RNPC3: variants seen among roughly 807,000 people sequenced by gnomAD.
RNPC3 encodes the protein RNA-binding region-containing protein 3.
Under a neutral mutation model 67.5 loss-of-function variants are expected in RNPC3, and 48 were observed. The observed-to-expected ratio is 0.71, with a 90% CI of 0.56 to 0.90. The LOEUF (loss-of-function observed/expected upper bound fraction) is 0.90. Ranked by LOEUF, RNPC3 falls within the 40% of genes least tolerant of loss-of-function variation. RNPC3 has a pLI of 0.00. For missense variants in RNPC3, 637 were observed against 626.1 expected (o/e 1.02, Z -0.19); for synonymous variants, 239 against 210.3 (o/e 1.14, Z -1.18).
chr1:103,532,920 A>G (rs1650893811), intron 2 of RNPC3, among the ~76,000 whole-genome samples: 1 of 152,076 alleles, frequency 6.6e-6, no homozygotes, highest in Non-Finnish European at 1.5e-5. Flanking sequence ...GAGGGTTTAG[A>G]TAGCTTGTAC....
chr1:103,548,517 C>G (rs1651303463), intron 12 of RNPC3, among the ~76,000 whole-genome samples: 1 of 152,156 alleles, frequency 6.6e-6, no homozygotes, highest in Non-Finnish European at 1.5e-5. Context: ...GCCTTTGCTC[C>G]AGTTCCCAAC....
chr1:103,544,524 G>A (rs1015747527), intron 9 of RNPC3, among the ~76,000 whole-genome samples: 3 of 151,598 alleles, frequency 2.0e-5, no homozygotes, highest in Non-Finnish European at 4.4e-5. Context: ...AGAAAATACT[G>A]GAATATGTCT....
Position 103,536,114 on chromosome 1 carries a change from T to TA in RNPC3, c.556-11dup. ...ATTTTATATGTGAATTTAAATGTCTTACCACTTTAAGGTCCTTCATCTTAT... is the reference window on the plus strand; with the variant it reads ...ATTTTATATGTGAATTTAAATGTCTTAACCACTTTAAGGTCCTTCATCTTAT... On this transcript the variant is annotated splice_polypyrimidine_tract_variant and intron_variant, in intron 5 of 14. Transcript: ENST00000423855. 6.6e-7 allele frequency: 1 copy of TA among 1,525,144 alleles called. No individual in the cohort carries two copies. Among genetic ancestry groups the TA allele is most frequent in the Non-Finnish European group, 8.8e-7 (1 of 1,136,298 alleles). 94.5% of individuals were successfully genotyped at this position (1,525,144 alleles called of 1,614,324 possible). A position where few individuals can be genotyped will look rare whatever the true frequency, so the allele number is the denominator to read the frequency against.
At position 103,533,974 on chromosome 1, in the gene RNPC3, A is replaced by T. The variant is rs1650925746; in HGVS notation, c.359+117A>T. On this transcript the variant is annotated intron_variant, in intron 3 of 14. Coordinates refer to ENST00000423855, the MANE Select transcript of RNPC3 (RefSeq NM_017619.4). The stretch of plus-strand genomic sequence containing the variant: ...CTAGCAAGTAATTGGAAGAGGAATG[A>T]CAGATTTTTCCATTAAACCTAGTAC... 31 of 651,152 alleles carry T rather than the reference A, an allele frequency of 4.8e-5. 1 individual carries two copies. The South Asian group carries it at 5.5e-4, about 12-fold the overall frequency. 40.3% of individuals were successfully genotyped at this position (651,152 alleles called of 1,614,324 possible). A position where few individuals can be genotyped will look rare whatever the true frequency, so the allele number is the denominator to read the frequency against.
intron 2 of RNPC3, among the ~76,000 whole-genome samples, chr1:103,531,601 TG>T (rs1470686531): frequency 1.3e-5 from 2 of 152,208 alleles, no homozygotes; most frequent in African/African-American, 4.8e-5. Flanking sequence ...TCATTAGTGA[TG>T]TTGAGCAGTT....
chr1:103,544,199 C>T (rs954148997), intron 9 of RNPC3, among the ~76,000 whole-genome samples: 6 of 151,534 alleles, frequency 4.0e-5, no homozygotes, highest in Non-Finnish European at 5.9e-5. Flanking sequence ...TGTATGTATC[C>T]TTCCAGACCT....
In RNPC3 at chr1:103,550,967, G is replaced by A. The variant is rs201566659; in HGVS notation, c.1388G>A (p.Gly463Asp). 1.4e-5 allele frequency: 22 copies of A among 1,611,600 alleles called. No individual in the cohort carries two copies. The highest frequency in any genetic ancestry group is 1.9e-5 in the Non-Finnish European group (22 of 1,179,630). ...TTTGATATACGTTTGATGAAAGAAG[G>A]TCGTATGAAAGGACAAGCTTTCATT... ...IMFDIRLMKEGRMKGQAFIGL... is the reference protein window; with the variant it reads ...IMFDIRLMKEDRMKGQAFIGL... The change falls in exon 13 of 15, where the codon GGT (glycine) becomes GAT (aspartate). Residue 463 changes from glycine to aspartate, a missense_variant. Transcript: ENST00000423855.
At chr1:103,532,107 T>G (rs914178491) in intron 2 of RNPC3, among the ~76,000 whole-genome samples, 1 of 152,182 alleles carries the variant, frequency 6.6e-6, no homozygotes, top group Non-Finnish European at 1.5e-5. Context: ...ACTTTATGTT[T>G]TTGTTTGCTT....
In RNPC3 at chr1:103,555,118, C is replaced by T. The variant is rs1436072056; in HGVS notation, c.*97C>T. On this transcript the variant is annotated 3_prime_UTR_variant, in exon 15 of 15. Coordinates refer to ENST00000423855, the MANE Select transcript of RNPC3 (RefSeq NM_017619.4). ...ACCTGGACTATGGAACTGTGCGTAA[C>T]AGCTTTGAAAGTGTATTTAAAAATT... The T allele has an allele frequency of 3.3e-5, 5 of 151,922 alleles. No individual in the cohort carries two copies. In the East Asian group the frequency reaches 9.6e-4, roughly 29 times the overall value. The allele number at this position is 151,922 out of a possible 1,614,324, so 9.4% of individuals were successfully genotyped here.
At chr1:103,554,192 A>G (rs990322110) in intron 14 of RNPC3, 59 of 152,210 alleles carry the variant, frequency 3.9e-4, no homozygotes, top group African/African-American at 1.4e-3. Flanking sequence ...TGTCCCTACA[A>G]AAAATACAAA....
Position 103,526,016 on chromosome 1 carries a change from G to T in RNPC3, c.-55G>T. The T allele has an allele frequency of 7.2e-7, 1 of 1,383,632 alleles. No individual in the cohort carries two copies. The highest frequency in any genetic ancestry group is 9.7e-7 in the Non-Finnish European group (1 of 1,026,120). 85.7% of individuals were successfully genotyped at this position (1,383,632 alleles called of 1,614,324 possible). On this transcript the variant is annotated 5_prime_UTR_variant, in exon 1 of 15. Transcript: ENST00000423855. ...ATTTCTCCCAGCTTGTGTTGATGCC[G>T]CGATTTTGACTGAGACTTCTTCCCA...
chr1:103,537,544 C>T (rs1027661171), intron 7 of RNPC3, 60 bp downstream of exon 7: 14 of 1,381,722 alleles, frequency 1.0e-5, no homozygotes, highest in African/African-American at 1.4e-5. Flanking sequence ...GAAAGAGACT[C>T]TTGCTCTCCC....
rs1570612208 is a variant in RNPC3, at chr1:103,525,907, C to T, written c.-164C>T. 1.4e-4 allele frequency: 87 copies of T among 615,418 alleles called. No individual in the cohort carries two copies. In the East Asian group the frequency reaches 2.5e-3, roughly 17 times the overall value. The allele number at this position is 615,418 out of a possible 1,614,324, so 38.1% of individuals were successfully genotyped here. On this transcript the variant is annotated 5_prime_UTR_variant, in exon 1 of 15. Transcript: ENST00000423855. The stretch of plus-strand genomic sequence containing the variant: ...GAGTCTTCGAAGGGTTGCCGCTTTT[C>T]GGTGGCGCAGTTCTCGCGAGAAGGT...
rs192299841 is a variant in RNPC3 at position 103,536,182 on chromosome 1, G to A, written c.612G>A (p.Ala204=). 2.0e-4 allele frequency: 301 copies of A among 1,535,358 alleles called. No individual in the cohort carries two copies. In the East Asian group the frequency reaches 7.0e-3, roughly 35 times the overall value. Residue 204 remains alanine (A), a synonymous_variant, in exon 6 of 15, where the codon GCG becomes GCA. Transcript: ENST00000423855. ...NLPTPFGPIT[A]RPPMYEDYMP... is the part of the protein sequence containing the mutation. ...CCACACCTTTTGGACCAATTACTGC[G>A]CGACCTCCCATGGTAAGAAAACTCT...
At position 103,525,727 on chromosome 1, in the gene RNPC3, G is replaced by T. The variant is rs867045783; in HGVS notation, c.-344G>T. The stretch of plus-strand genomic sequence containing the variant: ...GTCGTGAGTCCTCTTGTCCTTGAGC[G>T]TCAACCTTCTTTCCCTGAAGTGGCT... On this transcript the variant is annotated 5_prime_UTR_variant, in exon 1 of 15. Coordinates refer to ENST00000423855, the MANE Select transcript of RNPC3 (RefSeq NM_017619.4). 14 of 168,664 alleles carry T rather than the reference G, an allele frequency of 8.3e-5. 1 individual carries two copies. The highest frequency in any genetic ancestry group is 2.8e-3 in the Middle Eastern group (1 of 356). The allele number at this position is 168,664 out of a possible 1,614,324, so 10.4% of individuals were successfully genotyped here. A position where few individuals can be genotyped will look rare whatever the true frequency, so the allele number is the denominator to read the frequency against.
intron 6 of RNPC3, 53 bp downstream of exon 6, chr1:103,536,247 T>G: frequency 7.7e-7 from 1 of 1,292,208 alleles, no homozygotes; most frequent in Non-Finnish European, 1.1e-6. Flanking sequence ...TGAATGGGAT[T>G]ATTGAGGCTG....
At chr1:103,552,786 T>C (rs2101055094) in intron 14 of RNPC3, 1 of 151,772 alleles carries the variant, frequency 6.6e-6, no homozygotes, top group South Asian at 2.1e-4. Context: ...AAATCTACAG[T>C]GCTGAGTATA....
intron 9 of RNPC3, among the ~76,000 whole-genome samples, chr1:103,544,388 T>C (rs760925830): frequency 6.6e-6 from 1 of 151,920 alleles, no homozygotes; most frequent in Non-Finnish European, 1.5e-5. Flanking sequence ...GGTAGCTTAC[T>C]ATGTCAAAGC....
chr1:103,542,221 A>C (rs893809129), intron 8 of RNPC3, among the ~76,000 whole-genome samples: 1 of 152,040 alleles, frequency 6.6e-6, no homozygotes, highest in Non-Finnish European at 1.5e-5. Flanking sequence ...GGTCACAGCC[A>C]GTTGAGAAAT....
Sources: gnomAD v4.1 joint callset for allele counts (sites outside exome capture counted in the v4.1 genomes callset) on GRCh38, gnomAD v4.1.1 for gene constraint, MANE v1.5 for transcripts, NCBI Gene and HGNC (gene_info 2026-07-23, HGNC 2026-07-21) for gene names.